EPB41: variants seen among roughly 807,000 people sequenced by gnomAD.
EPB41 encodes erythrocyte membrane protein band 4.1, also known as protein 4.1.
A neutral mutation model predicts 108.0 loss-of-function variants in EPB41; 65 were observed. The observed-to-expected ratio is 0.60, with a 90% CI of 0.49 to 0.74. The LOEUF (loss-of-function observed/expected upper bound fraction) is 0.74. Among genes scored for constraint, EPB41 ranks in the 30% least tolerant of loss-of-function variants. EPB41 has a pLI of 0.00. For synonymous variants in EPB41, 336 were observed against 358.9 expected (o/e 0.94, Z 0.72); for missense variants, 875 against 1,037.0 (o/e 0.84, Z 2.15).
intron 3 of EPB41, among the ~76,000 whole-genome samples, chr1:28,996,911 A>C (rs1249583762): frequency 6.6e-6 from 1 of 151,648 alleles, no homozygotes; most frequent in Admixed American, 6.6e-5. Context: ...GAGGCGGGGG[A>C]ATCACTTGAG....
At chr1:29,096,190 C>T (rs1573889034) in intron 16 of EPB41, 9 of 985,664 alleles carry the variant, frequency 9.1e-6, no homozygotes, top group African/African-American at 1.7e-5. Flanking sequence ...AGGTGGCTGT[C>T]GTGACAAAGG....
intron 16 of EPB41, among the ~76,000 whole-genome samples, chr1:29,089,277 T>G (rs926724420): frequency 6.6e-6 from 1 of 152,216 alleles, no homozygotes; most frequent in Non-Finnish European, 1.5e-5. Flanking sequence ...AGCCACTGTT[T>G]ATTTCTTCCT....
chr1:28,926,416 A>G (rs2093447761), intron 1 of EPB41, among the ~76,000 whole-genome samples: 1 of 152,200 alleles, frequency 6.6e-6, no homozygotes, highest in Non-Finnish European at 1.5e-5. Context: ...TGGAGTAGGT[A>G]TTAACCAGGC....
At chr1:28,919,469 CTT>C (rs1004695782) in intron 1 of EPB41, among the ~76,000 whole-genome samples, 3 of 146,082 alleles carry the variant, frequency 2.1e-5, no homozygotes, top group Admixed American at 6.9e-5. Flanking sequence ...TCCTTTCTTT[CTT>C]TTTTTTTTTT....
Position 29,018,165 on chromosome 1 carries a change from C to G in EPB41, c.906-59C>G. 6.7e-7 allele frequency: 1 copy of G among 1,500,134 alleles called. No homozygotes were observed. The highest frequency in any genetic ancestry group is 9.2e-7 in the Non-Finnish European group (1 of 1,081,296). The allele number at this position is 1,500,134 out of a possible 1,614,324, so 92.9% of individuals were successfully genotyped here. The stretch of plus-strand genomic sequence containing the variant: ...CTGTTTCTCCCCTTTTCTCCTTTTT[C>G]TCTCTTTATATTTTGTTGTTGTTGT... On this transcript the variant is annotated intron_variant, in intron 6 of 20. Transcript: ENST00000343067. The surrounding 1 kb of genome is among the most constrained non-coding windows in gnomAD (Gnocchi z 4.4).
At chr1:29,109,739 A>T (rs1057508315) in intron 18 of EPB41, 3 of 419,178 alleles carry the variant, frequency 7.2e-6, no homozygotes, top group Non-Finnish European at 1.3e-5. Flanking sequence ...AAGTAAGTTT[A>T]AAAAGTCAGC....
At chr1:29,010,598 A>G (rs967703936) in intron 4 of EPB41, among the ~76,000 whole-genome samples, 2 of 152,306 alleles carry the variant, frequency 1.3e-5, no homozygotes, top group South Asian at 2.1e-4. Context: ...AAAGGGACCT[A>G]TGAAAGATGT....
chr1:29,074,955 G>A (rs1428022419), intron 16 of EPB41, among the ~76,000 whole-genome samples: 3 of 151,996 alleles, frequency 2.0e-5, no homozygotes, highest in Admixed American at 2.0e-4. Flanking sequence ...TCAGGAGATC[G>A]AGACCATCCT....
At chr1:29,085,192 G>C (rs1286425756) in intron 16 of EPB41, among the ~76,000 whole-genome samples, 1 of 146,808 alleles carries the variant, frequency 6.8e-6, no homozygotes, top group Non-Finnish European at 1.5e-5. Context: ...TGCCAGGCTG[G>C]AGTGCAGTGG....
intron 1 of EPB41, among the ~76,000 whole-genome samples, chr1:28,957,261 A>G (rs1265852946): frequency 6.6e-6 from 1 of 152,276 alleles, no homozygotes; most frequent in Non-Finnish European, 1.5e-5. Flanking sequence ...AGTAGTTTTT[A>G]GGCATCTTCA....
intron 16 of EPB41, among the ~76,000 whole-genome samples, chr1:29,066,572 A>G (rs1459572585): frequency 2.0e-5 from 3 of 152,258 alleles, no homozygotes; most frequent in Admixed American, 6.5e-5. Flanking sequence ...CAATGACTCA[A>G]TAAGTGATTA....
intron 1 of EPB41, among the ~76,000 whole-genome samples, chr1:28,888,109 G>C (rs1457693320): frequency 6.6e-6 from 1 of 152,230 alleles, no homozygotes; most frequent in Non-Finnish European, 1.5e-5. Flanking sequence ...GGGGAGGAGA[G>C]AGGAGGGTTG....
intron 1 of EPB41, among the ~76,000 whole-genome samples, chr1:28,906,868 C>T (rs148788359): frequency 9.9e-5 from 15 of 151,302 alleles, no homozygotes; most frequent in Non-Finnish European, 2.1e-4. Flanking sequence ...CTCTGCCTCA[C>T]GGGTTCACGC....
intron 1 of EPB41, among the ~76,000 whole-genome samples, chr1:28,935,009 G>A (rs1026765520): frequency 4.9e-4 from 74 of 152,140 alleles, no homozygotes; most frequent in African/African-American, 1.7e-3. Flanking sequence ...CAGCTACTCA[G>A]GAGGCTGAGG....
chr1:29,105,771 CAG>C (rs1211409108), intron 17 of EPB41, among the ~76,000 whole-genome samples: 30 of 102,036 alleles, frequency 2.9e-4, no homozygotes, highest in African/African-American at 1.0e-3. Context: ...TTTTTTGAGA[CAG>C]AGTATGGCTC....
At chr1:29,036,637 G>C (rs1639570246) in intron 10 of EPB41, among the ~76,000 whole-genome samples, 1 of 148,402 alleles carries the variant, frequency 6.7e-6, no homozygotes, top group Non-Finnish European at 1.5e-5. Context: ...ACTACTTTTT[G>C]TGGAGCTTTT....
intron 3 of EPB41, 115 bp downstream of exon 3, chr1:28,993,657 CT>C (rs932117775): frequency 0.11 from 56,280 of 529,724 alleles, no homozygotes; most frequent in Non-Finnish European, 0.13. Flanking sequence ...TTTCTTTTTT[CT>C]TTTTTTTTTT....
intron 11 of EPB41, among the ~76,000 whole-genome samples, chr1:29,050,824 C>T (rs948808164): frequency 2.0e-5 from 3 of 151,882 alleles, no homozygotes; most frequent in Admixed American, 6.6e-5. Flanking sequence ...TACAGACGCC[C>T]GCCACCACGC....
At chr1:29,100,940 G>C (rs1665130330) in intron 17 of EPB41, among the ~76,000 whole-genome samples, 1 of 148,032 alleles carries the variant, frequency 6.8e-6, no homozygotes, top group Non-Finnish European at 1.5e-5. Context: ...AAAAAAAAAA[G>C]AGGGCCGGGT....
Sources: gnomAD v4.1 joint callset for allele counts (sites outside exome capture counted in the v4.1 genomes callset) on GRCh38, gnomAD v4.1.1 for gene constraint, Gnocchi (gnomAD v3.1) non-coding constraint, MANE v1.5 for transcripts, NCBI Gene and HGNC (gene_info 2026-07-23, HGNC 2026-07-21) for gene names.